FOXP2: variants seen among roughly 807,000 people sequenced by gnomAD.
FOXP2 encodes forkhead box P2.
FOXP2 carries 12 observed loss-of-function variants against 115.8 expected under a neutral mutation model. The ratio of observed to expected loss-of-function variants is 0.10; its 90% CI spans 0.07 to 0.17. FOXP2 has a LOEUF of 0.17. Among genes scored for constraint, FOXP2 ranks in the 10% least tolerant of loss-of-function variants. The pLI, the probability that FOXP2 is intolerant of heterozygous loss-of-function variation, is 1.00. For missense variants in FOXP2, 629 were observed against 843.5 expected (o/e 0.75, Z 3.15); for synonymous variants, 328 against 297.7 (o/e 1.10, Z -1.05).
intron 1 of FOXP2, among the ~76,000 whole-genome samples, chr7:114,173,022 T>C (rs1389306069): frequency 6.6e-6 from 1 of 152,020 alleles, no homozygotes; most frequent in African/African-American, 2.4e-5. Flanking sequence ...GTCTTTAATA[T>C]AGATGTTTCA....
chr7:114,169,580 G>A (rs1047233192), intron 1 of FOXP2, among the ~76,000 whole-genome samples: 1 of 152,174 alleles, frequency 6.6e-6, no homozygotes, highest in Admixed American at 6.5e-5. Flanking sequence ...GACTTGGCTT[G>A]TCTCAGATGA....
chr7:114,224,565 T>C (rs1273166117), intron 1 of FOXP2, among the ~76,000 whole-genome samples: 3 of 152,238 alleles, frequency 2.0e-5, no homozygotes, highest in Non-Finnish European at 4.4e-5. Flanking sequence ...ATCACAGTTA[T>C]ATTGCTTTTT....
At chr7:114,452,922 C>T (rs1795133554) in intron 2 of FOXP2, among the ~76,000 whole-genome samples, 1 of 152,012 alleles carries the variant, frequency 6.6e-6, no homozygotes, top group South Asian at 2.1e-4. Context: ...GTCTAAGAGA[C>T]TTATGTTAAC....
chr7:114,642,736 A>C (rs1320716924), intron 7 of FOXP2, 113 bp downstream of exon 7: 2 of 648,158 alleles, frequency 3.1e-6, no homozygotes, highest in Admixed American at 4.4e-5. Context: ...TGTATAGAAC[A>C]ACAGATTAGA....
chr7:114,631,966 G>A (rs1804947472), intron 6 of FOXP2, among the ~76,000 whole-genome samples: 1 of 152,156 alleles, frequency 6.6e-6, no homozygotes, highest in South Asian at 2.1e-4. Flanking sequence ...GGCACAAAAT[G>A]ATTTATAAGG....
chr7:114,653,257 A>G (rs1013477926), intron 9 of FOXP2: 6 of 154,992 alleles, frequency 3.9e-5, no homozygotes, highest in Non-Finnish European at 7.3e-5. Flanking sequence ...AGACTAAAAC[A>G]TAAGAGTTCA....
intron 1 of FOXP2, among the ~76,000 whole-genome samples, chr7:114,153,968 A>T (rs1195338651): frequency 6.6e-6 from 1 of 152,144 alleles, no homozygotes; most frequent in African/African-American, 2.4e-5. Flanking sequence ...AGCAGATGGA[A>T]GCATGGAGAT....
At chr7:114,234,566 A>AAAAC (rs898492414) in intron 1 of FOXP2, among the ~76,000 whole-genome samples, 14 of 152,224 alleles carry the variant, frequency 9.2e-5, no homozygotes, top group African/African-American at 2.2e-4. Flanking sequence ...CTTGGAATTT[A>AAAAC]AAACAAACAA....
chr7:114,219,962 GT>G (rs1221077811), intron 1 of FOXP2, among the ~76,000 whole-genome samples: 2 of 151,770 alleles, frequency 1.3e-5, no homozygotes, highest in African/African-American at 4.8e-5. Flanking sequence ...CGCCTCCCGG[GT>G]TCAAGAGATT....
intron 2 of FOXP2, among the ~76,000 whole-genome samples, chr7:114,333,387 A>C (rs1171807870): frequency 6.6e-6 from 1 of 152,174 alleles, no homozygotes. Context: ...AATTTTTTTC[A>C]GTGACTGTAA....
chr7:114,492,141 AG>A (rs1797091239), intron 2 of FOXP2, among the ~76,000 whole-genome samples: 2 of 151,986 alleles, frequency 1.3e-5, no homozygotes, highest in African/African-American at 4.8e-5. Context: ...TAGTCTTGGG[AG>A]GGTGTATGTG....
At chr7:114,331,581 T>G (rs1486038490) in intron 2 of FOXP2, among the ~76,000 whole-genome samples, 1 of 152,168 alleles carries the variant, frequency 6.6e-6, no homozygotes, top group Non-Finnish European at 1.5e-5. Context: ...TAGGAAGTCT[T>G]TGTTAATTTT....
chr7:114,192,192 G>A (rs911178944), intron 1 of FOXP2, among the ~76,000 whole-genome samples: 4 of 79,812 alleles, frequency 5.0e-5, no homozygotes, highest in Non-Finnish European at 1.0e-4. Flanking sequence ...TCACCATGTT[G>A]GCCAGGATGG....
intron 2 of FOXP2, among the ~76,000 whole-genome samples, chr7:114,433,466 G>C (rs1261232901): frequency 1.3e-5 from 2 of 151,580 alleles, no homozygotes; most frequent in African/African-American, 4.8e-5. Context: ...CTCCAAAGTT[G>C]TATCTCAGAA....
intron 2 of FOXP2, among the ~76,000 whole-genome samples, chr7:114,344,712 G>A (rs960625594): frequency 2.0e-5 from 3 of 151,696 alleles, no homozygotes; most frequent in Non-Finnish European, 2.9e-5. Flanking sequence ...CATAAATATA[G>A]GCCTTCCAAA....
intron 2 of FOXP2, among the ~76,000 whole-genome samples, chr7:114,527,343 A>C (rs1447005368): frequency 6.6e-6 from 1 of 151,996 alleles, no homozygotes; most frequent in Non-Finnish European, 1.5e-5. Context: ...TTAATGGATC[A>C]TGTGGTAATT....
chr7:114,384,875 T>C (rs1446448069), intron 2 of FOXP2, among the ~76,000 whole-genome samples: 1 of 152,038 alleles, frequency 6.6e-6, no homozygotes, highest in African/African-American at 2.4e-5. Context: ...CCTTGGTTAC[T>C]GGGTTAAGGA....
chr7:114,131,976 C>A (rs1246190296), intron 1 of FOXP2, among the ~76,000 whole-genome samples: 1 of 152,068 alleles, frequency 6.6e-6, no homozygotes, highest in Non-Finnish European at 1.5e-5. Flanking sequence ...TAAAATAAAA[C>A]TTGCCAGTTT....
intron 2 of FOXP2, among the ~76,000 whole-genome samples, chr7:114,302,554 T>C (rs182432458): frequency 5.9e-5 from 9 of 152,166 alleles, no homozygotes; most frequent in Non-Finnish European, 1.3e-4. Flanking sequence ...CTTAAGCAGT[T>C]TGGTTTCAGA....
Sources: allele counts gnomAD v4.1 joint callset (sites outside exome capture counted in the v4.1 genomes callset), GRCh38; gene constraint gnomAD v4.1.1; transcripts MANE v1.5; gene names NCBI Gene and HGNC (gene_info 2026-07-23, HGNC 2026-07-21).